The following XYLT1 variants were observed in gnomAD, a reference collection of about 807,000 sequenced individuals.
XYLT1 encodes the protein beta-D-xylosyltransferase 1.
XYLT1 carries 36 observed loss-of-function variants against 91.3 expected under a neutral mutation model. The ratio of observed to expected loss-of-function variants is 0.39; its 90% CI spans 0.30 to 0.52. The LOEUF is 0.52. XYLT1 is among the 20% of genes least tolerant of loss of function. XYLT1 has a pLI of 0.68. For missense variants in XYLT1, 1,242 were observed against 1,284.5 expected (o/e 0.97, Z 0.51); for synonymous variants, 588 against 532.0 (o/e 1.11, Z -1.45).
At chr16:17,243,556 A>G (rs2033382566) in intron 3 of XYLT1, among the ~76,000 whole-genome samples, 1 of 152,242 alleles carries the variant, frequency 6.6e-6, no homozygotes, top group Non-Finnish European at 1.5e-5. Flanking sequence ...TCCCCATTCT[A>G]TAGATTAAAG....
chr16:17,463,380 A>C (rs536537368), intron 1 of XYLT1, among the ~76,000 whole-genome samples: 137 of 152,374 alleles, frequency 9.0e-4, no homozygotes, highest in Admixed American at 2.4e-3. Flanking sequence ...CAGCAAAAAA[A>C]CAAGTAGTCC....
intron 5 of XYLT1, among the ~76,000 whole-genome samples, chr16:17,162,409 C>CAAA (rs5815946): frequency 0.021 from 2,981 of 138,816 alleles, 65 homozygotes; most frequent in African/African-American, 0.041. Flanking sequence ...GACTCTGTCT[C>CAAA]AAAAAAAAAA....
At chr16:17,156,806 C>T (rs76293163) in intron 6 of XYLT1, among the ~76,000 whole-genome samples, 3,938 of 152,212 alleles carry the variant, frequency 0.026, 78 homozygotes, top group Non-Finnish European at 0.038. Context: ...TCTTCAAGTT[C>T]GGGTGTTGCA....
At chr16:17,433,881 AC>A (rs888594275) in intron 1 of XYLT1, among the ~76,000 whole-genome samples, 1 of 151,422 alleles carries the variant, frequency 6.6e-6, no homozygotes, top group African/African-American at 2.4e-5. Flanking sequence ...CTGTTCCCCC[AC>A]CCCCGCTTTT....
chr16:17,446,454 C>A (rs1405628177), intron 1 of XYLT1: 1 of 152,182 alleles, frequency 6.6e-6, no homozygotes, highest in Non-Finnish European at 1.5e-5. Flanking sequence ...CTGACTGCTC[C>A]AAGCTCATCC....
chr16:17,161,441 C>T lies in XYLT1; in HGVS notation c.1290-2532G>A, dbSNP rs117947503. Among the ~76,000 whole-genome samples the T allele has an allele frequency of 5.2e-4, 79 of 152,218 alleles. No individual in the cohort carries two copies. In the East Asian group the frequency reaches 0.011, roughly 22 times the overall value. Reference sequence around the variant, plus strand: ...GGGGCGGGGGGACCCCTGCCTACCCCCCTTGCTAGGGTCTCGGGCCCCTCG... The same window carrying T: ...GGGGCGGGGGGACCCCTGCCTACCCTCCTTGCTAGGGTCTCGGGCCCCTCG... On this transcript the variant is annotated intron_variant, in intron 5 of 11. Transcript: ENST00000261381.
At chr16:17,152,888 A>C (rs1377597839) in intron 6 of XYLT1, among the ~76,000 whole-genome samples, 1 of 152,202 alleles carries the variant, frequency 6.6e-6, no homozygotes, top group Non-Finnish European at 1.5e-5. Context: ...AATACCCATA[A>C]ATCATGGGTT....
chr16:17,453,905 C>A (rs1225883745), intron 1 of XYLT1, among the ~76,000 whole-genome samples: 1 of 152,190 alleles, frequency 6.6e-6, no homozygotes, highest in African/African-American at 2.4e-5. Flanking sequence ...CCAAAAGCAA[C>A]TAAAGCAGTT....
In XYLT1 at chr16:17,337,776, TTTTTC is replaced by T. The variant is rs1402872391; in HGVS notation, c.402+20231_402+20235del. On this transcript the variant is annotated intron_variant, in intron 2 of 11. Coordinates refer to ENST00000261381, the MANE Select transcript of XYLT1 (RefSeq NM_022166.4). ...TACTTTGTCTGTTCCACATTTTTTCTTTTTCTTTTTTTTTTTTTTTGTGAGACAGA... is the reference window on the plus strand; with the variant it reads ...TACTTTGTCTGTTCCACATTTTTTCTTTTTTTTTTTTTTTTGTGAGACAGA... 3.3e-3 allele frequency among the ~76,000 whole-genome samples: 149 copies of T among 44,538 alleles called. 5 individuals carry two copies. The highest frequency in any genetic ancestry group is 8.8e-3 in the Admixed American group (28 of 3,164). 29.2% of individuals were successfully genotyped at this position (44,538 alleles called of 152,430 possible).
chr16:17,216,695 T>C (rs2032867581), intron 3 of XYLT1, among the ~76,000 whole-genome samples: 1 of 152,172 alleles, frequency 6.6e-6, no homozygotes, highest in South Asian at 2.1e-4. Context: ...CTGCTATCAT[T>C]CTCATTTTAC....
In XYLT1 at chr16:17,312,515, A is replaced by C. The variant is rs2034566590; in HGVS notation, c.402+45497T>G. On this transcript the variant is annotated intron_variant, in intron 2 of 11. Transcript: ENST00000261381. This position sits in a 1 kb window ranked among gnomAD's most constrained non-coding sequence, Gnocchi z 4.4. ...TCACAGGAGGTTGCCAAGATAGCAG[A>C]GTTCTGCACTCCCTCACCCAGCTTC... is the stretch of plus-strand genomic sequence containing the variant. 6.6e-6 allele frequency among the ~76,000 whole-genome samples: 1 copy of C among 152,246 alleles called. No individual in the cohort carries two copies. Among genetic ancestry groups the C allele is most frequent in the South Asian group, 2.1e-4 (1 of 4,836 alleles).
intron 1 of XYLT1, among the ~76,000 whole-genome samples, chr16:17,377,895 G>A (rs2035623427): frequency 6.6e-6 from 1 of 152,160 alleles, no homozygotes; most frequent in Non-Finnish European, 1.5e-5. Flanking sequence ...CAGCCTCAAA[G>A]AGCAGCAAAG....
intron 6 of XYLT1, among the ~76,000 whole-genome samples, chr16:17,141,766 C>T (rs572208976): frequency 6.6e-6 from 1 of 152,234 alleles, no homozygotes; most frequent in Non-Finnish European, 1.5e-5. Context: ...ACCCTTGTCT[C>T]AGAATAGTAC....
intron 1 of XYLT1, among the ~76,000 whole-genome samples, chr16:17,392,659 C>A (rs2035834622): frequency 6.6e-6 from 1 of 152,148 alleles, no homozygotes; most frequent in Admixed American, 6.5e-5. Flanking sequence ...CTGAGTCATG[C>A]AAAACACTGC....
At chr16:17,130,788 C>T (rs16968469) in intron 9 of XYLT1, among the ~76,000 whole-genome samples, 6,790 of 152,210 alleles carry the variant, frequency 0.045, 505 homozygotes, top group African/African-American at 0.15. Flanking sequence ...CCACGTCCAT[C>T]GTCCCTCACT....
chr16:17,119,735 A>G (rs2029980249), intron 10 of XYLT1, among the ~76,000 whole-genome samples: 1 of 152,224 alleles, frequency 6.6e-6, no homozygotes, highest in South Asian at 2.1e-4. Flanking sequence ...GTCTCAGAGA[A>G]GTGAGATAAC....
At chr16:17,326,749 G>A (rs1363475802) in intron 2 of XYLT1, among the ~76,000 whole-genome samples, 4 of 151,650 alleles carry the variant, frequency 2.6e-5, no homozygotes, top group Admixed American at 6.6e-5. Flanking sequence ...GGCGTGAACC[G>A]GGGAGGCGGA....
At chr16:17,400,158 G>A (rs2035945680) in intron 1 of XYLT1, among the ~76,000 whole-genome samples, 1 of 152,316 alleles carries the variant, frequency 6.6e-6, no homozygotes, top group Non-Finnish European at 1.5e-5. Context: ...GGGGCTGACA[G>A]TGAAAGGAAT....
chr16:17,150,995 A>G (rs2031267975), intron 6 of XYLT1, among the ~76,000 whole-genome samples: 2 of 152,210 alleles, frequency 1.3e-5, no homozygotes, highest in Admixed American at 1.3e-4. Context: ...CCTCAGCTTC[A>G]GAACCTCACT....
Sources: allele counts gnomAD v4.1 joint callset (sites outside exome capture counted in the v4.1 genomes callset), GRCh38; gene constraint gnomAD v4.1.1; non-coding constraint Gnocchi (gnomAD v3.1); transcripts MANE v1.5; gene names NCBI Gene and HGNC (gene_info 2026-07-23, HGNC 2026-07-21).